PCLO: variants seen among roughly 807,000 people sequenced by gnomAD.
PCLO encodes the protein piccolo presynaptic cytomatrix protein, also known as protein piccolo.
PCLO carries 82 observed loss-of-function variants against 427.5 expected under a neutral mutation model. The observed-to-expected ratio is 0.19, with a 90% CI of 0.16 to 0.23. The LOEUF (loss-of-function observed/expected upper bound fraction) is 0.23. Among genes scored for constraint, PCLO ranks in the 10% least tolerant of loss-of-function variants. The probability of loss-of-function intolerance (pLI) is 1.00; values close to 1 mark genes in which losing one functional copy is unlikely to be tolerated. For synonymous variants in PCLO, 2,357 were observed against 2,155.4 expected (o/e 1.09, Z -2.59); for missense variants, 6,239 against 6,115.9 (o/e 1.02, Z -0.67).
intron 16 of PCLO, among the ~76,000 whole-genome samples, chr7:82,835,289 T>C (rs967681422): frequency 2.6e-5 from 4 of 152,158 alleles, no homozygotes; most frequent in African/African-American, 4.8e-5. Context: ...TTAATTACTT[T>C]TGAAAAATGG....
Position 83,013,187 on chromosome 7 carries a change from T to TA in PCLO, c.3301-46701dup, listed in dbSNP as rs376329055. Among the ~76,000 whole-genome samples the TA allele has an allele frequency of 8.0e-3, 1,222 of 151,948 alleles. 24 individuals carry two copies. Among genetic ancestry groups the TA allele is most frequent in the African/African-American group, 0.026 (1,097 of 41,454 alleles). ...TCACATGTGAGATATTCTGTAATGA[T>TA]AAAAAAAAGTACATTTCTGAAGGGG... On this transcript the variant is annotated intron_variant, in intron 3 of 24. Transcript: ENST00000333891.
At chr7:82,861,377 G>T (rs183391094) in intron 10 of PCLO, among the ~76,000 whole-genome samples, 20 of 152,048 alleles carry the variant, frequency 1.3e-4, no homozygotes, top group African/African-American at 3.6e-4. Flanking sequence ...TAGATTCCAA[G>T]ACAAAAGCTA....
Position 83,135,238 on chromosome 7 carries a change from G to A in PCLO, c.2312C>T (p.Ser771Leu), listed in dbSNP as rs771108378. 6.2e-7 allele frequency: 1 copy of A among 1,613,920 alleles called. No homozygotes were observed. The highest frequency in any genetic ancestry group is 1.1e-5 in the South Asian group (1 of 91,074). ...TGGAATATCAGGTTTTGTTGTTGCT[G>A]ATGATGAAGATACAAGGTCAGTGGT... Reference protein sequence around the residue: ...KPTTDLVSSSSATTKPDIPSS... With the variant: ...KPTTDLVSSSLATTKPDIPSS... The change falls in exon 3 of 25, where the codon TCA becomes TTA. Residue 771 changes from serine (S) to leucine (L), a missense_variant. Physicochemically the swap from Ser to Leu is moderately radical, Grantham distance 145. Coordinates refer to ENST00000333891, the MANE Select transcript of PCLO (RefSeq NM_033026.6).
chr7:82,765,892 G>C (rs1235713519), intron 22 of PCLO, among the ~76,000 whole-genome samples: 1 of 151,612 alleles, frequency 6.6e-6, no homozygotes, highest in African/African-American at 2.4e-5. Context: ...GAAGTTAGCG[G>C]GGGGAGAAAA....
At chr7:83,129,798 CAG>C (rs1320491172) in intron 3 of PCLO, among the ~76,000 whole-genome samples, 2 of 151,918 alleles carry the variant, frequency 1.3e-5, no homozygotes, top group African/African-American at 4.8e-5. Context: ...TATGTTTACT[CAG>C]ATACAGAACT....
chr7:82,862,261 C>A (rs944743971), intron 10 of PCLO, among the ~76,000 whole-genome samples: 8 of 151,544 alleles, frequency 5.3e-5, no homozygotes, highest in Non-Finnish European at 8.9e-5. Context: ...ATAATTTCAC[C>A]CCAGTTAAAA....
intron 3 of PCLO, among the ~76,000 whole-genome samples, chr7:83,105,588 A>G (rs1790833900): frequency 6.6e-6 from 1 of 152,222 alleles, no homozygotes; most frequent in Admixed American, 6.5e-5. Flanking sequence ...GGAAAGTTAC[A>G]GTGAACTTGG....
At chr7:83,048,740 G>C (rs1789161199) in intron 3 of PCLO, among the ~76,000 whole-genome samples, 1 of 151,998 alleles carries the variant, frequency 6.6e-6, no homozygotes, top group South Asian at 2.1e-4. Flanking sequence ...ATTTATGGCA[G>C]CTTTATCATG....
intron 3 of PCLO, among the ~76,000 whole-genome samples, chr7:83,099,362 A>T (rs1223631687): frequency 6.8e-6 from 1 of 148,128 alleles, no homozygotes. Context: ...AAATAAACAA[A>T]TATGTTTTAA....
rs1795383296 is a variant in PCLO at position 82,952,546 on chromosome 7, T to C, written c.8407A>G (p.Ser2803Gly). 3 of 1,613,936 alleles carry C rather than the reference T, an allele frequency of 1.9e-6. No individual in the cohort carries two copies. The South Asian group carries it at 3.3e-5, about 18-fold the overall frequency. Reference protein sequence around the residue: ...ETVTFVTCTASASYTTGTESL... With the variant: ...ETVTFVTCTAGASYTTGTESL... The stretch of plus-strand genomic sequence containing the variant: ...TCTGTGCCTGTAGTGTAACTTGCAC[T>C]AGCTGTGCATGTGACAAAGGTCACT... Residue 2803 changes from serine to glycine, a missense_variant, in exon 5 of 25, where the codon AGT becomes GGT. Ser to Gly is a moderately conservative substitution (Grantham distance 56). Transcript: ENST00000333891.
At position 82,838,283 on chromosome 7, in the gene PCLO, A is replaced by G; in HGVS notation, c.14157T>C (p.Leu4719=). The G allele has an allele frequency of 6.3e-7, 1 of 1,576,928 alleles. No individual in the cohort carries two copies. Among genetic ancestry groups the G allele is most frequent in the Non-Finnish European group, 8.7e-7 (1 of 1,151,928 alleles). Residue 4719 remains leucine, a synonymous_variant, in exon 15 of 25, where the codon CTT becomes CTC. Transcript: ENST00000333891. ...AATAACCATTGTTGTCTCGAGGAAC[A>G]AGATTTCTTGCTTGGAGAATATGTA... The part of the protein sequence containing the change: ...LIIHILQARN[L]VPRDNNGYSD...
Position 82,954,662 on chromosome 7 carries a change from G to C in PCLO, c.6291C>G (p.Asp2097Glu). 1 of 1,613,916 alleles carries C rather than the reference G, an allele frequency of 6.2e-7. No homozygotes were observed. The part of the protein sequence containing the change: ...IGEDMTESTM[D>E]FDRMPDASLT... ...AAGAGGCATCTGGCATTCTGTCAAA[G>C]TCCATGGTGGACTCTGTCATATCCT... Residue 2097 changes from aspartate to glutamate, a missense_variant, in exon 5 of 25, where the codon GAC (aspartate) becomes GAG (glutamate). Physicochemically the swap from Asp to Glu is conservative, Grantham distance 45 (BLOSUM62 2). This residue lies in a region of PCLO where 4,677 missense variants were observed against 4,468.4 expected (regional missense o/e 1.05). Coordinates refer to ENST00000333891, the MANE Select transcript of PCLO (RefSeq NM_033026.6).
At chr7:82,990,486 A>T (rs1796353009) in intron 3 of PCLO, among the ~76,000 whole-genome samples, 1 of 152,124 alleles carries the variant, frequency 6.6e-6, no homozygotes, top group South Asian at 2.1e-4. Flanking sequence ...GGAGGATTCT[A>T]AATTGGTTCA....
At chr7:83,051,902 C>G (rs1304183810) in intron 3 of PCLO, among the ~76,000 whole-genome samples, 1 of 151,968 alleles carries the variant, frequency 6.6e-6, no homozygotes, top group Non-Finnish European at 1.5e-5. Context: ...TAGACTCACA[C>G]ACAGTCAAAG....
chr7:83,080,521 T>C (rs1417417034), intron 3 of PCLO, among the ~76,000 whole-genome samples: 1 of 152,146 alleles, frequency 6.6e-6, no homozygotes, highest in Admixed American at 6.5e-5. Flanking sequence ...TATGTTAATA[T>C]TCAGGTGAAC....
chr7:82,868,518 C>T (rs866603308), intron 10 of PCLO, among the ~76,000 whole-genome samples: 1 of 152,196 alleles, frequency 6.6e-6, no homozygotes, highest in Non-Finnish European at 1.5e-5. Context: ...CACTCACCTA[C>T]TCTGAAACAA....
intron 3 of PCLO, among the ~76,000 whole-genome samples, chr7:83,061,473 A>C (rs1789542076): frequency 6.6e-6 from 1 of 152,204 alleles, no homozygotes. Context: ...ATAACATAAT[A>C]AAATCAAAAG....
rs1554334212 is a variant in PCLO, at chr7:82,801,204, A to ATTTTTTTTTTTTTTTTTTTTTT, written c.15007+313_15007+314insAAAAAAAAAAAAAAAAAAAAAA. On this transcript the variant is annotated intron_variant, in intron 22 of 24. Transcript: ENST00000333891. Reference sequence around the variant, plus strand: ...ATATTTTAAACAAAATATATGTTATATTTTTAAGTTCAAGATTTCCCTCCC... The same window carrying ATTTTTTTTTTTTTTTTTTTTTT: ...ATATTTTAAACAAAATATATGTTATATTTTTTTTTTTTTTTTTTTTTTTTTTTAAGTTCAAGATTTCCCTCCC... 1.7e-4 allele frequency among the ~76,000 whole-genome samples: 25 copies of ATTTTTTTTTTTTTTTTTTTTTT among 143,874 alleles called. 1 individual carries two copies. The highest frequency in any genetic ancestry group is 4.5e-4 in the East Asian group (2 of 4,490). The allele number at this position is 143,874 out of a possible 152,430, so 94.4% of individuals were successfully genotyped here. A position where few individuals can be genotyped will look rare whatever the true frequency, so the allele number is the denominator to read the frequency against.
chr7:82,774,619 T>C (rs1790711598), intron 22 of PCLO, among the ~76,000 whole-genome samples: 1 of 152,130 alleles, frequency 6.6e-6, no homozygotes, highest in African/African-American at 2.4e-5. Context: ...CACAGCAAAA[T>C]TGAGAGGAAG....
Sources: allele counts gnomAD v4.1 joint callset (sites outside exome capture counted in the v4.1 genomes callset), GRCh38; gene constraint gnomAD v4.1.1; regional missense constraint gnomAD v4.1.1; transcripts MANE v1.5; gene names NCBI Gene and HGNC (gene_info 2026-07-23, HGNC 2026-07-21).